The following EDNRB variants were observed in gnomAD, a reference collection of about 807,000 sequenced individuals.
EDNRB encodes the protein endothelin receptor type B, also known as Hirschsprung disease 2.
Under a neutral mutation model 46.4 loss-of-function variants are expected in EDNRB, and 18 were observed. That is an observed-to-expected ratio of 0.39 (90% CI 0.27 to 0.57). The LOEUF (loss-of-function observed/expected upper bound fraction) is 0.57. Among genes scored for constraint, EDNRB ranks in the 20% least tolerant of loss-of-function variants. The probability of loss-of-function intolerance (pLI) is 0.61; values close to 1 mark genes in which losing one functional copy is unlikely to be tolerated. For missense variants in EDNRB, 434 were observed against 537.5 expected, an observed-to-expected ratio of 0.81 and a Z score of 1.90; for synonymous variants, 213 against 204.9, an observed-to-expected ratio of 1.04 and a Z score of -0.34.
rs886050324 is a variant in EDNRB, at chr13:77,897,341, G to A, written c.*859C>T. ...TTTTAATAATCCTGAAAAAATTGTA[G>A]ATAGTATTGTCTTCACAGGGTATGT... On this transcript the variant is annotated 3_prime_UTR_variant, in exon 7 of 7. Coordinates refer to ENST00000646607, the MANE Select transcript of EDNRB (RefSeq NM_001122659.3). 1 of 985,222 alleles carries A rather than the reference G, an allele frequency of 1.0e-6. No homozygotes were observed. 61.0% of individuals were successfully genotyped at this position (985,222 alleles called of 1,614,324 possible). A position where few individuals can be genotyped will look rare whatever the true frequency, so the allele number is the denominator to read the frequency against.
chr13:77,904,726 C>T (rs1879187338), intron 1 of EDNRB, among the ~76,000 whole-genome samples: 1 of 151,866 alleles, frequency 6.6e-6, no homozygotes, highest in Non-Finnish European at 1.5e-5. Flanking sequence ...TATGGTGTGT[C>T]CCACACTGGT....
chr13:77,899,874 G>T lies in EDNRB; in HGVS notation c.1179C>A (p.Phe393Leu). ...AGTCTCTTACCTTAAAGCAGTTTTT[G>T]AATCTTTTGCTCACCAAATACAGAG... ...PIALYLVSKR[F>L]KNCFKSCLCC... is the part of the protein sequence containing the mutation. Residue 393 changes from phenylalanine to leucine, a missense_variant, in exon 6 of 7, where the codon TTC (phenylalanine) becomes TTA (leucine). Phe to Leu is a conservative substitution (Grantham distance 22). Transcript: ENST00000646607. 1 of 1,611,442 alleles carries T rather than the reference G, an allele frequency of 6.2e-7. No homozygotes were observed. Among genetic ancestry groups the T allele is most frequent in the South Asian group, 1.1e-5 (1 of 91,034 alleles).
intron 1 of EDNRB, among the ~76,000 whole-genome samples, chr13:77,965,141 C>CAT (rs1167552676): frequency 1.3e-5 from 2 of 152,098 alleles, no homozygotes; most frequent in South Asian, 4.1e-4. Flanking sequence ...GAAAGGTTTG[C>CAT]ATATATATAT....
At position 77,918,060 on chromosome 13, in the gene EDNRB, G is replaced by A. The variant is rs199544162; in HGVS notation, c.483+31C>T. The A allele has an allele frequency of 1.3e-5, 21 of 1,613,386 alleles. No homozygotes were observed. The highest frequency in any genetic ancestry group is 2.2e-5 in the East Asian group (1 of 44,894). The stretch of plus-strand genomic sequence containing the variant: ...TCTCCAACCAGGCCCCCTTCCTCAA[G>A]CCCACCATGATTTCAGCAGGCGCCC... On this transcript the variant is annotated intron_variant, in intron 1 of 6. Transcript: ENST00000646607. The surrounding 1 kb of genome is among the most constrained non-coding windows in gnomAD (Gnocchi z 4.5).
At chr13:77,945,155 G>A (rs1361070649) in intron 1 of EDNRB, among the ~76,000 whole-genome samples, 1 of 152,148 alleles carries the variant, frequency 6.6e-6, no homozygotes, top group Non-Finnish European at 1.5e-5. Context: ...GGGTTGCATG[G>A]CTTCACTGAG....
chr13:77,969,483 G>A (rs941352138), intron 1 of EDNRB, among the ~76,000 whole-genome samples: 2 of 152,180 alleles, frequency 1.3e-5, no homozygotes, highest in African/African-American at 2.4e-5. Flanking sequence ...ACCCTGCAGA[G>A]CCTGAGGTAA....
chr13:77,950,940 C>A (rs910852774), intron 1 of EDNRB, among the ~76,000 whole-genome samples: 2 of 152,082 alleles, frequency 1.3e-5, no homozygotes, highest in Admixed American at 6.6e-5. Context: ...TCCAAACCTG[C>A]GAGATTGTAT....
In EDNRB at chr13:77,903,533, T is replaced by A; in HGVS notation, c.558A>T (p.Gly186=). 1 of 1,612,936 alleles carries A rather than the reference T, an allele frequency of 6.2e-7. No homozygotes were observed. Residue 186 remains glycine (G), a synonymous_variant, in exon 2 of 7, where the codon GGA becomes GGT. Transcript: ENST00000646607. ...GAGCACATAGACTCAGCACAGTGAT[T>A]CCCACAGAGGCTTTCTGTATGAAAG... is the stretch of plus-strand genomic sequence containing the variant. The part of the protein sequence containing the change: ...LVPFIQKASV[G]ITVLSLCALS...
intron 1 of EDNRB, among the ~76,000 whole-genome samples, chr13:77,926,892 T>C (rs1048781317): frequency 6.6e-6 from 1 of 152,216 alleles, no homozygotes; most frequent in African/African-American, 2.4e-5. Flanking sequence ...AAGACACTTC[T>C]TACATGGTGG....
intron 1 of EDNRB, among the ~76,000 whole-genome samples, chr13:77,974,578 CTG>C (rs1281120389): frequency 2.0e-5 from 3 of 149,672 alleles, no homozygotes; most frequent in African/African-American, 7.4e-5. Context: ...TTGTATATCT[CTG>C]TCTTTCTCTT....
chr13:77,906,960 T>A (rs1189145655), intron 1 of EDNRB, among the ~76,000 whole-genome samples: 2 of 152,024 alleles, frequency 1.3e-5, no homozygotes, highest in African/African-American at 4.8e-5. Flanking sequence ...ACCACTATAA[T>A]ACCTGCCCGA....
intron 1 of EDNRB, among the ~76,000 whole-genome samples, chr13:77,961,208 A>G (rs1159734792): frequency 1.3e-5 from 2 of 152,112 alleles, no homozygotes; most frequent in Non-Finnish European, 2.9e-5. Flanking sequence ...AGACATCTAC[A>G]GAACTCTCCA....
In EDNRB at chr13:77,918,641, G is replaced by A. The variant is rs12868931; in HGVS notation, c.-68C>T. The A allele has an allele frequency of 6.6e-7, 1 of 1,517,628 alleles. No individual in the cohort carries two copies. The highest frequency in any genetic ancestry group is 2.3e-5 in the East Asian group (1 of 43,824). The allele number at this position is 1,517,628 out of a possible 1,614,324, so 94.0% of individuals were successfully genotyped here. On this transcript the variant is annotated 5_prime_UTR_variant, in exon 1 of 7. Coordinates refer to ENST00000646607, the MANE Select transcript of EDNRB (RefSeq NM_001122659.3). This position sits in a 1 kb window ranked among gnomAD's most constrained non-coding sequence, Gnocchi z 4.5. ...TTTCAGAGCCTAGAGACAAGCAGAGGAAGGAAGACAGGACACTTGGGTCAG... is the reference window on the plus strand; with the variant it reads ...TTTCAGAGCCTAGAGACAAGCAGAGAAAGGAAGACAGGACACTTGGGTCAG...
chr13:77,920,429 A>T (rs1383076657), upstream of EDNRB, among the ~76,000 whole-genome samples: 1 of 152,118 alleles, frequency 6.6e-6, no homozygotes, highest in African/African-American at 2.4e-5. Flanking sequence ...CAAAATCCCT[A>T]CTGGATCTGT....
intron 1 of EDNRB, among the ~76,000 whole-genome samples, chr13:77,948,850 A>G (rs1260071109): frequency 1.3e-5 from 2 of 152,210 alleles, no homozygotes; most frequent in African/African-American, 2.4e-5. Context: ...ATACTTTCTT[A>G]ATGGTTTATG....
Position 77,896,479 on chromosome 13 carries a change from G to A in EDNRB, c.*1721C>T, listed in dbSNP as rs775336011. 2 of 1,579,756 alleles carry A rather than the reference G, an allele frequency of 1.3e-6. No homozygotes were observed. Among genetic ancestry groups the A allele is most frequent in the Non-Finnish European group, 8.6e-7 (1 of 1,160,974 alleles). Reference sequence around the variant, plus strand: ...GCTCTTTCTTTCTGGCCACATTGTTGGGTTTTGGTTTACTGTACCATCACA... The same window carrying A: ...GCTCTTTCTTTCTGGCCACATTGTTAGGTTTTGGTTTACTGTACCATCACA... On this transcript the variant is annotated 3_prime_UTR_variant, in exon 7 of 7. Transcript: ENST00000646607.
intron 1 of EDNRB, among the ~76,000 whole-genome samples, chr13:77,962,491 AGC>A (rs1881453562): frequency 6.6e-6 from 1 of 152,236 alleles, no homozygotes; most frequent in Non-Finnish European, 1.5e-5. Context: ...AATGTAATCC[AGC>A]ATATAAACAG....
intron 1 of EDNRB, among the ~76,000 whole-genome samples, chr13:77,951,911 C>T (rs564014007): frequency 7.2e-5 from 11 of 152,328 alleles, no homozygotes; most frequent in African/African-American, 2.6e-4. Flanking sequence ...GTGCTGCAGT[C>T]TATTTCCTTT....
In EDNRB at chr13:77,933,556, C is replaced by T. The variant is rs1431610263; in HGVS notation, c.-51-14932G>A. On this transcript the variant is annotated intron_variant, in intron 1 of 7. Transcript: ENST00000646948. ...TGTGGTGGAATGTCATCAGTTAAGG[C>T]AGGAACTGGCCATCTGGATGTGTAC... 2.6e-5 allele frequency among the ~76,000 whole-genome samples: 4 copies of T among 152,082 alleles called. No homozygotes were observed. In the East Asian group the frequency reaches 5.8e-4, roughly 22 times the overall value.
Sources: allele counts gnomAD v4.1 joint callset (sites outside exome capture counted in the v4.1 genomes callset), GRCh38; gene constraint gnomAD v4.1.1; non-coding constraint Gnocchi (gnomAD v3.1); transcripts MANE v1.5; gene names NCBI Gene and HGNC (gene_info 2026-07-23, HGNC 2026-07-21).